Variants in OSBPL7 observed in about 807,000 individuals in gnomAD.
The protein encoded by OSBPL7 is oxysterol binding protein like 7.
Under a neutral mutation model 115.8 loss-of-function variants are expected in OSBPL7, and 66 were observed. That is an observed-to-expected ratio of 0.57 (90% CI 0.47 to 0.70). The LOEUF is 0.70. Among genes scored for constraint, OSBPL7 ranks in the 30% least tolerant of loss-of-function variants. The pLI, the probability that OSBPL7 is intolerant of heterozygous loss-of-function variation, is 0.00. For missense variants in OSBPL7, 902 were observed against 1,125.5 expected (o/e 0.80, Z 2.84); for synonymous variants, 441 against 439.2 (o/e 1.00, Z -0.05).
intron 14 of OSBPL7, 43 bp downstream of exon 14, chr17:47,814,478 C>T (rs761585528): frequency 1.4e-5 from 18 of 1,296,880 alleles, no homozygotes; most frequent in South Asian, 1.2e-4. Flanking sequence ...CCTGTTTTTC[C>T]ACCCGCCTCC....
intron 16 of OSBPL7, among the ~76,000 whole-genome samples, chr17:47,811,725 C>T (rs1211627855): frequency 6.6e-6 from 1 of 152,220 alleles, no homozygotes. Context: ...TGGCGGCAGT[C>T]AGCCTGCTCC....
intron 14 of OSBPL7, 32 bp downstream of exon 14, chr17:47,814,486 TCCC>T: frequency 9.4e-6 from 4 of 426,304 alleles, no homozygotes; most frequent in Non-Finnish European, 1.4e-5. Context: ...TCCACCCGCC[TCCC>T]ACCCCTCCCT....
chr17:47,809,694 CCT>C (rs1194803297), intron 18 of OSBPL7, among the ~76,000 whole-genome samples: 1 of 152,138 alleles, frequency 6.6e-6, no homozygotes, highest in Non-Finnish European at 1.5e-5. Context: ...CTACAAAGCC[CCT>C]GAGTGCCTGA....
chr17:47,811,777 C>G (rs917521416), intron 16 of OSBPL7, among the ~76,000 whole-genome samples: 1 of 152,220 alleles, frequency 6.6e-6, no homozygotes, highest in African/African-American at 2.4e-5. Flanking sequence ...TCCTTCTGCA[C>G]CTTCAGTCTT....
In OSBPL7 at chr17:47,816,700, A is replaced by G; in HGVS notation, c.796-5T>C. ...AGAGCCATGGAGACGACCAACCTGT[A>G]GGTGAAGGGGAAGGGCTGAAGGGGC... On this transcript the variant is annotated splice_polypyrimidine_tract_variant and splice_region_variant and intron_variant, in intron 9 of 22. Coordinates refer to ENST00000007414, the MANE Select transcript of OSBPL7 (RefSeq NM_145798.3). This position sits in a 1 kb window ranked among gnomAD's most constrained non-coding sequence, Gnocchi z 5.8. 1 of 1,614,104 alleles carries G rather than the reference A, an allele frequency of 6.2e-7. No homozygotes were observed. Among genetic ancestry groups the G allele is most frequent in the Non-Finnish European group, 8.5e-7 (1 of 1,180,002 alleles).
chr17:47,818,972 C>CCCAGGGATGTCACCTTGAGGTGGTAGA lies in OSBPL7; in HGVS notation c.356_369+13dup. On this transcript the variant is annotated intron_variant, in intron 5 of 22. Coordinates refer to ENST00000007414, the MANE Select transcript of OSBPL7 (RefSeq NM_145798.3). ...TTGGGGGCCAACACACGTCCTGCCT[C>CCCAGGGATGTCACCTTGAGGTGGTAGA]CCAGGGATGTCACCTTGAGGTGGTA... 1 of 1,610,858 alleles carries CCCAGGGATGTCACCTTGAGGTGGTAGA rather than the reference C, an allele frequency of 6.2e-7. No homozygotes were observed. Among genetic ancestry groups the CCCAGGGATGTCACCTTGAGGTGGTAGA allele is most frequent in the Non-Finnish European group, 8.5e-7 (1 of 1,177,038 alleles).
chr17:47,813,823 G>A lies in OSBPL7; in HGVS notation c.1363C>T (p.Pro455Ser). Reference protein sequence around the residue: ...AERCQKGGCVPGRPMGPPRRR... With the variant: ...AERCQKGGCVSGRPMGPPRRR... Reference sequence around the variant, plus strand: ...CGGGGTGGCCCCATGGGTCTCCCTGGAACACACCCCCCTGGGGCCGCCCTG... The same window carrying A: ...CGGGGTGGCCCCATGGGTCTCCCTGAAACACACCCCCCTGGGGCCGCCCTG... Residue 455 changes from proline (P) to serine (S), a missense_variant, in exon 15 of 23, where the codon CCA becomes TCA. This residue lies in a region of OSBPL7 where 667 missense variants were observed against 788.7 expected (regional missense o/e 0.85). Transcript: ENST00000007414. The A allele has an allele frequency of 1.9e-6, 3 of 1,609,752 alleles. No homozygotes were observed. The highest frequency in any genetic ancestry group is 2.5e-6 in the Non-Finnish European group (3 of 1,179,004).
rs774138718 is a variant in OSBPL7 at position 47,809,380 on chromosome 17, C to T, written c.1979G>A (p.Arg660Gln). The T allele has an allele frequency of 7.4e-6, 12 of 1,614,038 alleles. No individual in the cohort carries two copies. Among genetic ancestry groups the T allele is most frequent in the Admixed American group, 1.7e-5 (1 of 59,998 alleles). The change falls in exon 19 of 23, where the codon CGA becomes CAA. Residue 660 changes from arginine (R) to glutamine (Q), a missense_variant. By Grantham distance (43) the Arg-to-Gln change is conservative. Transcript: ENST00000007414. ...WIEHYGEVLI[R>Q]NTQDSSCHCK... ...GTGGCAGGAGCTGTCCTGTGTGTTT[C>T]GGATGAGCACCTCCCCATAGTGCTC... is the stretch of plus-strand genomic sequence containing the variant.
At chr17:47,821,531 C>T (rs1045334967) in intron 1 of OSBPL7, 135 bp downstream of exon 1, 9 of 152,326 alleles carry the variant, frequency 5.9e-5, no homozygotes, top group South Asian at 4.1e-4. Flanking sequence ...GAGGCTCTAT[C>T]GGTAGGCAGG....
chr17:47,816,307 A>C lies in OSBPL7; in HGVS notation c.1023+81T>G. The C allele has an allele frequency of 6.7e-7, 1 of 1,486,756 alleles. No homozygotes were observed. The highest frequency in any genetic ancestry group is 9.0e-7 in the Non-Finnish European group (1 of 1,108,322). The allele number at this position is 1,486,756 out of a possible 1,614,324, so 92.1% of individuals were successfully genotyped here. On this transcript the variant is annotated intron_variant, in intron 11 of 22. Transcript: ENST00000007414. The surrounding 1 kb of genome is among the most constrained non-coding windows in gnomAD (Gnocchi z 5.8). The stretch of plus-strand genomic sequence containing the variant: ...CTGCCAACCCCCCACCCTGACCCAG[A>C]TCTGCTATCGGACCCCAGGCTGGCA...
chr17:47,815,115 T>G (rs568560675), intron 13 of OSBPL7, 100 bp downstream of exon 13: 1 of 1,451,002 alleles, frequency 6.9e-7, no homozygotes, highest in Non-Finnish European at 9.3e-7. Flanking sequence ...GCTGAGGTGG[T>G]GAGAAGGGGC....
intron 4 of OSBPL7, 183 bp downstream of exon 4, chr17:47,819,546 G>T: frequency 1.4e-6 from 1 of 692,822 alleles, no homozygotes; most frequent in Non-Finnish European, 2.5e-6. Flanking sequence ...GGGGGATGGT[G>T]CTCTCCCATT....
At position 47,820,502 on chromosome 17, in the gene OSBPL7, C is replaced by T. The variant is rs1251196719; in HGVS notation, c.-87-137G>A. The T allele has an allele frequency of 1.1e-5, 6 of 555,122 alleles. No individual in the cohort carries two copies. The African/African-American group carries it at 1.1e-4, about 11-fold the overall frequency. 34.4% of individuals were successfully genotyped at this position (555,122 alleles called of 1,614,324 possible). ...CTGCCAAGCCTCTCCCAAGTCTGCC[C>T]CTCTGTCCCGACCCCACCCATTTTC... On this transcript the variant is annotated intron_variant, in intron 1 of 22. Coordinates refer to ENST00000007414, the MANE Select transcript of OSBPL7 (RefSeq NM_145798.3).
Position 47,809,468 on chromosome 17 carries a change from G to A in OSBPL7, c.1891C>T (p.His631Tyr). Residue 631 changes from histidine (H) to tyrosine (Y), a missense_variant, in exon 19 of 23, where the codon CAC (histidine) becomes TAC (tyrosine). Around this residue, in one of 3 missense-constraint regions of OSBPL7, gnomAD observed 230 missense variants for 312.7 expected, o/e 0.74. Transcript: ENST00000007414. ...VNVSLPRFGD[H>Y]FEWNKVTSCI... ...GATGTCACCTTGTTCCACTCAAAGT[G>A]GTCCCCAAACCTGAGAAAGACAAGG... 6.2e-7 allele frequency: 1 copy of A among 1,611,882 alleles called. No individual in the cohort carries two copies. The highest frequency in any genetic ancestry group is 8.5e-7 in the Non-Finnish European group (1 of 1,178,126).
Position 47,808,243 on chromosome 17 carries a change from G to A in OSBPL7, c.*48C>T. The A allele has an allele frequency of 7.1e-7, 1 of 1,413,120 alleles. No homozygotes were observed. Among genetic ancestry groups the A allele is most frequent in the East Asian group, 2.3e-5 (1 of 43,460 alleles). 87.5% of individuals were successfully genotyped at this position (1,413,120 alleles called of 1,614,324 possible). Reference sequence around the variant, plus strand: ...ACCCATGTGTCCATGGTAGGGGGTGGAGGCAGGAGGAGTGAGGAACCAGAG... The same window carrying A: ...ACCCATGTGTCCATGGTAGGGGGTGAAGGCAGGAGGAGTGAGGAACCAGAG... On this transcript the variant is annotated 3_prime_UTR_variant, in exon 23 of 23. Coordinates refer to ENST00000007414, the MANE Select transcript of OSBPL7 (RefSeq NM_145798.3). The surrounding 1 kb of genome is among the most constrained non-coding windows in gnomAD (Gnocchi z 6.1).
intron 4 of OSBPL7, 82 bp downstream of exon 4, chr17:47,819,647 T>C (rs1331198673): frequency 5.9e-6 from 9 of 1,536,482 alleles, no homozygotes; most frequent in South Asian, 2.2e-5. Flanking sequence ...CCTGCTCTGG[T>C]CGATTCCAGA....
chr17:47,813,186 T>C, intron 16 of OSBPL7, 80 bp downstream of exon 16: 1 of 1,568,820 alleles, frequency 6.4e-7, no homozygotes, highest in Non-Finnish European at 8.6e-7. Context: ...CTGGTCCCTC[T>C]GCCCCAGTTC....
chr17:47,810,183 C>T (rs2032996377), intron 18 of OSBPL7, among the ~76,000 whole-genome samples: 1 of 152,134 alleles, frequency 6.6e-6, no homozygotes, highest in East Asian at 1.9e-4. Flanking sequence ...GGCTTCAGAC[C>T]TCTGCCTGTA....
chr17:47,813,688 G>A lies in OSBPL7; in HGVS notation c.1498C>T (p.Leu500Phe), dbSNP rs1400651726. ...DLSKVSMPVQ[L>F]NEPLNTLQRL... ...TGCAGAGTGTTGAGCGGCTCGTTGA[G>A]CTGCACAGGCATTGACACCTTGGAC... Residue 500 changes from leucine to phenylalanine, a missense_variant, in exon 15 of 23, where the codon CTC (leucine) becomes TTC (phenylalanine). Around this residue, in one of 3 missense-constraint regions of OSBPL7, gnomAD observed 667 missense variants for 788.7 expected, o/e 0.85. Transcript: ENST00000007414. The A allele has an allele frequency of 6.2e-7, 1 of 1,613,374 alleles. No individual in the cohort carries two copies. The highest frequency in any genetic ancestry group is 8.5e-7 in the Non-Finnish European group (1 of 1,180,020).
Sources: allele counts gnomAD v4.1 joint callset (sites outside exome capture counted in the v4.1 genomes callset), GRCh38; gene constraint gnomAD v4.1.1; regional missense constraint gnomAD v4.1.1; non-coding constraint Gnocchi (gnomAD v3.1); transcripts MANE v1.5; gene names NCBI Gene and HGNC (gene_info 2026-07-23, HGNC 2026-07-21).